Variants in CFAP77 observed in about 807,000 individuals in gnomAD.
CFAP77 encodes cilia and flagella associated protein 77.
A neutral mutation model predicts 31.1 loss-of-function variants in CFAP77; 25 were observed. The observed-to-expected ratio is 0.80, with a 90% CI of 0.59 to 1.12. CFAP77 has a LOEUF of 1.12. Ranked by LOEUF, CFAP77 falls within the 50% of genes most tolerant of loss-of-function variation. The pLI is 0.00. For synonymous variants in CFAP77, 151 were observed against 159.9 expected (o/e 0.94, Z 0.42); for missense variants, 377 against 397.3 (o/e 0.95, Z 0.44).
At chr9:132,468,599 C>T (rs1439099150) in intron 1 of CFAP77, among the ~76,000 whole-genome samples, 1 of 152,200 alleles carries the variant, frequency 6.6e-6, no homozygotes, top group Non-Finnish European at 1.5e-5. Context: ...CAGGCCACAG[C>T]CCTTGCCCTG....
chr9:132,559,129 G>A (rs1266897570), intron 5 of CFAP77, among the ~76,000 whole-genome samples: 1 of 152,042 alleles, frequency 6.6e-6, no homozygotes, highest in African/African-American at 2.4e-5. Flanking sequence ...TGGATCATGA[G>A]GTCAGGTGAT....
At chr9:132,537,074 C>T (rs1182922650) in intron 3 of CFAP77, among the ~76,000 whole-genome samples, 1 of 152,032 alleles carries the variant, frequency 6.6e-6, no homozygotes, top group Non-Finnish European at 1.5e-5. Flanking sequence ...GAGTTCAGTT[C>T]CAGATACAAC....
At position 132,501,338 on chromosome 9, in the gene CFAP77, G is replaced by A. The variant is rs766691264; in HGVS notation, c.524+1738G>A. 3.3e-5 allele frequency among the ~76,000 whole-genome samples: 5 copies of A among 151,634 alleles called. No individual in the cohort carries two copies. The highest frequency in any genetic ancestry group is 1.9e-4 in the East Asian group (1 of 5,178). ...CTCTAAACAGCCCAGTGCAAAGGGC[G>A]TTGGTGCTACAGACACCTTGAGTTC... is the stretch of plus-strand genomic sequence containing the variant. On this transcript the variant is annotated intron_variant, in intron 3 of 5. Coordinates refer to ENST00000393216, the MANE Select transcript of CFAP77 (RefSeq NM_001282957.2). This position sits in a 1 kb window ranked among gnomAD's most constrained non-coding sequence, Gnocchi z 4.6.
chr9:132,531,680 G>A (rs903966699), intron 3 of CFAP77, among the ~76,000 whole-genome samples: 25 of 151,174 alleles, frequency 1.7e-4, no homozygotes, highest in Non-Finnish European at 3.4e-4. Context: ...TCTGACTTAT[G>A]TCCTAGGTTC....
chr9:132,569,277 G>A (rs543362933), intron 5 of CFAP77, among the ~76,000 whole-genome samples: 5 of 152,140 alleles, frequency 3.3e-5, no homozygotes, highest in South Asian at 2.1e-4. Context: ...GCATGGTGGC[G>A]CACAGCTGTA....
At chr9:132,563,499 T>G (rs1829849737) in intron 5 of CFAP77, among the ~76,000 whole-genome samples, 2 of 152,250 alleles carry the variant, frequency 1.3e-5, no homozygotes, top group African/African-American at 4.8e-5. Flanking sequence ...TTCCACCCTC[T>G]GAATTCACCA....
rs763301010 is a variant in CFAP77 at position 132,437,503 on chromosome 9, AT to A, written c.195+27061del. ...TCAAGAGGGGCGGGACCACTTTTGC[AT>A]TTTTTTTTTTTTTTTTTTTTTTTGA... is the stretch of plus-strand genomic sequence containing the variant. On this transcript the variant is annotated intron_variant, in intron 1 of 5. Coordinates refer to ENST00000393216, the MANE Select transcript of CFAP77 (RefSeq NM_001282957.2). 6.2e-3 allele frequency among the ~76,000 whole-genome samples: 558 copies of A among 90,470 alleles called. 3 individuals carry two copies. The highest frequency in any genetic ancestry group is 0.019 in the South Asian group (50 of 2,600). 59.4% of individuals were successfully genotyped at this position (90,470 alleles called of 152,430 possible). A position where few individuals can be genotyped will look rare whatever the true frequency, so the allele number is the denominator to read the frequency against.
chr9:132,507,762 AGT>A (rs892114000), intron 3 of CFAP77, among the ~76,000 whole-genome samples: 40 of 152,172 alleles, frequency 2.6e-4, no homozygotes, highest in African/African-American at 9.2e-4. Flanking sequence ...GATCCGAGGC[AGT>A]TTCTGAAGGG....
In CFAP77 at chr9:132,510,331, C is replaced by T. The variant is rs117138221; in HGVS notation, c.524+10731C>T. Among the ~76,000 whole-genome samples the T allele has an allele frequency of 3.5e-3, 526 of 152,358 alleles. 11 individuals carry two copies. Among genetic ancestry groups the T allele is most frequent in the East Asian group, 4.4e-3 (23 of 5,184 alleles). ...CAGCGAAAGCCCTTCTGGGAGCCAA[C>T]GCTGGAGTCCAGAGTCGGGAGTCCG... On this transcript the variant is annotated intron_variant, in intron 3 of 5. Transcript: ENST00000393216.
chr9:132,422,593 G>A (rs1225899231), intron 1 of CFAP77, among the ~76,000 whole-genome samples: 1 of 152,224 alleles, frequency 6.6e-6, no homozygotes, highest in Non-Finnish European at 1.5e-5. Context: ...AAAGCAAGGA[G>A]GAACCTGGAG....
intron 1 of CFAP77, among the ~76,000 whole-genome samples, chr9:132,456,900 A>G (rs1345173964): frequency 2.6e-5 from 4 of 151,974 alleles, no homozygotes; most frequent in Admixed American, 2.6e-4. Context: ...ACAAGTGTGC[A>G]CCACCGTGTC....
At chr9:132,522,865 C>T (rs1269862900) in intron 3 of CFAP77, among the ~76,000 whole-genome samples, 5 of 152,166 alleles carry the variant, frequency 3.3e-5, no homozygotes, top group South Asian at 2.1e-4. Context: ...GTCCTGACCC[C>T]GAGTCTGGGG....
intron 3 of CFAP77, among the ~76,000 whole-genome samples, chr9:132,521,493 G>T (rs758267928): frequency 6.6e-6 from 1 of 152,210 alleles, no homozygotes; most frequent in Non-Finnish European, 1.5e-5. Context: ...TCAGAGCCTG[G>T]TGGGAAAGGT....
intron 1 of CFAP77, among the ~76,000 whole-genome samples, chr9:132,410,941 A>T (rs1032945565): frequency 1.3e-5 from 2 of 152,196 alleles, no homozygotes; most frequent in Non-Finnish European, 2.9e-5. Flanking sequence ...TCCTGGAAGC[A>T]TCACGTCGAA....
chr9:132,508,966 G>A (rs1197393697), intron 3 of CFAP77, among the ~76,000 whole-genome samples: 2 of 152,176 alleles, frequency 1.3e-5, no homozygotes, highest in African/African-American at 4.8e-5. Flanking sequence ...GCAAGGCCCT[G>A]GGCGAGGAAG....
intron 3 of CFAP77, among the ~76,000 whole-genome samples, chr9:132,520,820 G>T (rs1055964984): frequency 2.6e-5 from 4 of 152,098 alleles, no homozygotes; most frequent in Non-Finnish European, 4.4e-5. Flanking sequence ...AGACACTGGC[G>T]CAGGGCCAGC....
rs1048912295 is a variant in CFAP77 at position 132,455,937 on chromosome 9, C to T, written c.196-42758C>T. On this transcript the variant is annotated intron_variant, in intron 1 of 5. Coordinates refer to ENST00000393216, the MANE Select transcript of CFAP77 (RefSeq NM_001282957.2). The surrounding 1 kb of genome is among the most constrained non-coding windows in gnomAD (Gnocchi z 4.1). Reference sequence around the variant, plus strand: ...CGTCAGCCACTTATTAGCTGTATAACCTTGAGCAAGTTATTTATCCACTCT... The same window carrying T: ...CGTCAGCCACTTATTAGCTGTATAATCTTGAGCAAGTTATTTATCCACTCT... Among the ~76,000 whole-genome samples the T allele has an allele frequency of 1.3e-5, 2 of 152,112 alleles. No homozygotes were observed. Among genetic ancestry groups the T allele is most frequent in the African/African-American group, 4.8e-5 (2 of 41,414 alleles).
chr9:132,556,587 C>T (rs958398001), intron 5 of CFAP77, among the ~76,000 whole-genome samples: 1 of 152,214 alleles, frequency 6.6e-6, no homozygotes, highest in Non-Finnish European at 1.5e-5. Flanking sequence ...CCCCACCCCC[C>T]GAGCCCCATC....
rs957766688 is a variant in CFAP77 at position 132,552,753 on chromosome 9, C to G, written c.732+9706C>G. Among the ~76,000 whole-genome samples the G allele has an allele frequency of 1.5e-4, 23 of 151,284 alleles. No homozygotes were observed. The highest frequency in any genetic ancestry group is 1.5e-3 in the Admixed American group (23 of 15,198). The stretch of plus-strand genomic sequence containing the variant: ...TCTCCAGGACTCTGATCCAGTGGGT[C>G]TGGGACAGCCACCAAACCTGTATTT... On this transcript the variant is annotated intron_variant, in intron 5 of 5. Transcript: ENST00000393216. This position sits in a 1 kb window ranked among gnomAD's most constrained non-coding sequence, Gnocchi z 5.5.
Sources: gnomAD v4.1 joint callset for allele counts (sites outside exome capture counted in the v4.1 genomes callset) on GRCh38, gnomAD v4.1.1 for gene constraint, Gnocchi (gnomAD v3.1) non-coding constraint, MANE v1.5 for transcripts, NCBI Gene and HGNC (gene_info 2026-07-23, HGNC 2026-07-21) for gene names.